WDR70: variants seen among roughly 807,000 people sequenced by gnomAD.
The protein encoded by WDR70 is WD repeat-containing protein 70.
In WDR70, 53 loss-of-function variants were observed where a neutral mutation model predicts 88.6. The ratio of observed to expected loss-of-function variants is 0.60; its 90% CI spans 0.48 to 0.75. The LOEUF is 0.75. Among genes scored for constraint, WDR70 ranks in the 30% least tolerant of loss-of-function variants. WDR70 has a pLI of 0.00. For missense variants in WDR70, 610 were observed against 823.2 expected (o/e 0.74, Z 3.17); for synonymous variants, 280 against 270.0 (o/e 1.04, Z -0.36).
chr5:37,549,459 G>A (rs1742081518), intron 9 of WDR70, among the ~76,000 whole-genome samples: 1 of 152,092 alleles, frequency 6.6e-6, no homozygotes, highest in Non-Finnish European at 1.5e-5. Context: ...ATATAGAAAT[G>A]CTACTGATTT....
chr5:37,497,880 G>A (rs1045115416), intron 8 of WDR70, among the ~76,000 whole-genome samples: 1 of 151,918 alleles, frequency 6.6e-6, no homozygotes, highest in African/African-American at 2.4e-5. Context: ...AGAGTGCAGT[G>A]GTGCAATCTT....
intron 10 of WDR70, among the ~76,000 whole-genome samples, chr5:37,639,829 A>G (rs1745059127): frequency 6.6e-6 from 1 of 152,208 alleles, no homozygotes; most frequent in South Asian, 2.1e-4. Context: ...TAAATTGCCT[A>G]TATCATATTA....
chr5:37,481,748 T>C (rs1016359999), intron 8 of WDR70, among the ~76,000 whole-genome samples: 4 of 152,210 alleles, frequency 2.6e-5, no homozygotes, highest in South Asian at 2.1e-4. Flanking sequence ...ACAACCCAGT[T>C]TCCTCAGAAA....
intron 7 of WDR70, among the ~76,000 whole-genome samples, chr5:37,462,597 C>T (rs1444050744): frequency 3.9e-5 from 6 of 152,164 alleles, no homozygotes; most frequent in African/African-American, 4.8e-5. Flanking sequence ...CCACCGCACC[C>T]GGCCCAAGTC....
chr5:37,433,112 G>A (rs1750363108), intron 5 of WDR70, among the ~76,000 whole-genome samples: 1 of 152,020 alleles, frequency 6.6e-6, no homozygotes, highest in Admixed American at 6.6e-5. Context: ...CTGGGCTGGA[G>A]TACAGTGGCA....
intron 10 of WDR70, among the ~76,000 whole-genome samples, chr5:37,609,638 T>G (rs1744130488): frequency 6.6e-6 from 1 of 152,232 alleles, no homozygotes; most frequent in Non-Finnish European, 1.5e-5. Context: ...CCCTGCTCTA[T>G]CTGACTGCCT....
chr5:37,392,154 A>C, intron 4 of WDR70, 34 bp downstream of exon 4: 1 of 1,584,356 alleles, frequency 6.3e-7, no homozygotes, highest in Non-Finnish European at 8.6e-7. Flanking sequence ...CTATTAAACT[A>C]TCAGTTTCTA....
chr5:37,398,336 C>A (rs1301878704), intron 5 of WDR70, among the ~76,000 whole-genome samples: 1 of 151,558 alleles, frequency 6.6e-6, no homozygotes, highest in Non-Finnish European at 1.5e-5. Flanking sequence ...GATCTGCCCG[C>A]CTCGGCCTCC....
rs562829455 is a variant in WDR70, at chr5:37,711,322, T to C, written c.1416+8235T>C. ...TCTCAATATTATTTTCCAGAGCTCA[T>C]TCCTCTTGCCTACCTGCACACTACG... On this transcript the variant is annotated intron_variant, in intron 13 of 17. Transcript: ENST00000265107. Among the ~76,000 whole-genome samples, 8 of 152,314 alleles carry C rather than the reference T, an allele frequency of 5.3e-5. No individual in the cohort carries two copies. In the South Asian group the frequency reaches 1.5e-3, roughly 28 times the overall value.
chr5:37,641,907 T>C (rs1454109556), intron 10 of WDR70, among the ~76,000 whole-genome samples: 1 of 152,210 alleles, frequency 6.6e-6, no homozygotes, highest in African/African-American at 2.4e-5. Flanking sequence ...GAAAGGTCAA[T>C]TCTGTGGCCA....
At chr5:37,395,249 T>G (rs1748975246) in intron 4 of WDR70, among the ~76,000 whole-genome samples, 1 of 151,964 alleles carries the variant, frequency 6.6e-6, no homozygotes, top group South Asian at 2.1e-4. Flanking sequence ...TTAGTGAGAG[T>G]GTATAATAGT....
intron 10 of WDR70, among the ~76,000 whole-genome samples, chr5:37,652,960 G>A (rs993736965): frequency 6.6e-6 from 1 of 152,124 alleles, no homozygotes; most frequent in Non-Finnish European, 1.5e-5. Flanking sequence ...GCTGTGGCCA[G>A]AACTTCCAAT....
intron 10 of WDR70, among the ~76,000 whole-genome samples, chr5:37,668,749 G>T (rs1467549218): frequency 6.6e-6 from 1 of 152,170 alleles, no homozygotes; most frequent in Non-Finnish European, 1.5e-5. Flanking sequence ...AGAGTCCTAG[G>T]TAGTCACACA....
chr5:37,622,884 T>C (rs915718748), intron 10 of WDR70, among the ~76,000 whole-genome samples: 3 of 151,974 alleles, frequency 2.0e-5, no homozygotes, highest in Admixed American at 6.6e-5. Context: ...TAAAACTTAA[T>C]GTATAATAAT....
chr5:37,623,398 A>C (rs564079622), intron 10 of WDR70, among the ~76,000 whole-genome samples: 21 of 152,276 alleles, frequency 1.4e-4, no homozygotes, highest in South Asian at 8.3e-4. Context: ...ACCAAGTAGT[A>C]AACTAGATGC....
At chr5:37,587,648 G>A (rs1271711828) in intron 9 of WDR70, among the ~76,000 whole-genome samples, 2 of 152,066 alleles carry the variant, frequency 1.3e-5, no homozygotes, top group South Asian at 4.1e-4. Flanking sequence ...GTATCTCCAT[G>A]TATCCACCAA....
rs1215929068 is a variant in WDR70, at chr5:37,409,314, A to T, written c.492+12744A>T. Among the ~76,000 whole-genome samples the T allele has an allele frequency of 3.9e-5, 6 of 152,214 alleles. No individual in the cohort carries two copies. In the East Asian group the frequency reaches 9.6e-4, roughly 24 times the overall value. Reference sequence around the variant, plus strand: ...CTGTTTCTCTTCGGAAATGAGATGTAATCTTTTTGGTTTATTTTATTAAGG... The same window carrying T: ...CTGTTTCTCTTCGGAAATGAGATGTTATCTTTTTGGTTTATTTTATTAAGG... On this transcript the variant is annotated intron_variant, in intron 5 of 17. Transcript: ENST00000265107.
At chr5:37,391,841 C>T in intron 3 of WDR70, among the ~76,000 whole-genome samples, 159 bp from the exon 4 acceptor site, 1 of 152,214 alleles carries the variant, frequency 6.6e-6, no homozygotes, top group Non-Finnish European at 1.5e-5. Context: ...AACCACCATA[C>T]TGTTTTCCAG....
intron 5 of WDR70, among the ~76,000 whole-genome samples, chr5:37,412,015 T>C (rs1749541109): frequency 6.6e-6 from 1 of 152,064 alleles, no homozygotes; most frequent in Non-Finnish European, 1.5e-5. Flanking sequence ...CCAGTAGAAT[T>C]TGAAGGATTA....
Sources: gnomAD v4.1 joint callset for allele counts (sites outside exome capture counted in the v4.1 genomes callset) on GRCh38, gnomAD v4.1.1 for gene constraint, MANE v1.5 for transcripts, NCBI Gene and HGNC (gene_info 2026-07-23, HGNC 2026-07-21) for gene names.